OR6K2: variants seen among roughly 807,000 people sequenced by gnomAD.
The protein encoded by OR6K2 is olfactory receptor family 6 subfamily K member 2, also known as olfactory receptor 6K2.
For missense variants in OR6K2, 450 were observed against 402.5 expected (o/e 1.12, Z -1.01); for synonymous variants, 139 against 143.8 (o/e 0.97, Z 0.24).
rs763557435 is a variant in OR6K2, at chr1:158,700,390, T to G, written c.263A>C (p.Glu88Ala). ...ACAACCATTGAAGGAAATGCTCCTCTCACTAAGCAGGCTAGACAGCATCTT... is the reference window on the plus strand; with the variant it reads ...ACAACCATTGAAGGAAATGCTCCTCGCACTAAGCAGGCTAGACAGCATCTT... ...IPKMLSSLLS[E>A]RSISFNGCLL... Residue 88 changes from glutamate (E) to alanine (A), a missense_variant, in exon 1 of 1, where the codon GAG becomes GCG. Glu to Ala is a moderately radical substitution (Grantham distance 107). Transcript: ENST00000359610. 1.9e-6 allele frequency: 3 copies of G among 1,614,154 alleles called. No individual in the cohort carries two copies. Among genetic ancestry groups the G allele is most frequent in the Non-Finnish European group, 2.5e-6 (3 of 1,180,022 alleles).
Position 158,700,486 on chromosome 1 carries a change from T to G in OR6K2, c.167A>C (p.His56Pro), listed in dbSNP as rs771595574. Residue 56 changes from histidine to proline, a missense_variant, in exon 1 of 1, where the codon CAC becomes CCC. Coordinates refer to ENST00000359610, the MANE Select transcript of OR6K2 (RefSeq NM_001005279.3). ...ACTGATAAAAGTATACATGGGAGTG[T>G]GGAGGTGAGTATTCAACTGGACCAC... ...ITVVQLNTHL[H>P]TPMYTFISAL... is the part of the protein sequence containing the mutation. The G allele has an allele frequency of 1.9e-6, 3 of 1,613,994 alleles. No homozygotes were observed. In the South Asian group the frequency reaches 3.3e-5, roughly 18 times the overall value.
Position 158,699,708 on chromosome 1 carries a change from T to TA in OR6K2, c.944dup (p.Arg316LysfsTer7). On this transcript the variant is annotated frameshift_variant, in exon 1 of 1. Transcript: ENST00000359610. LOFTEE classifies it low-confidence loss of function (END_TRUNC). ...ATATCTTACTTGAGGTCCCTGGTCT[T>TA]ACGGAAAAAAATATCTTAGCTTGAC... 1.2e-6 allele frequency: 2 copies of TA among 1,611,872 alleles called. No individual in the cohort carries two copies. Among genetic ancestry groups the TA allele is most frequent in the Admixed American group, 3.4e-5 (2 of 59,496 alleles).
At position 158,700,041 on chromosome 1, in the gene OR6K2, A is replaced by ATGAATGACATCCACTACC. The variant is rs771990024; in HGVS notation, c.594_611dup (p.Gln198_Ile203dup). ...TCACAGCTGTAATAATCTCCACTGC[A>ATGAATGACATCCACTACC]TGAATGACATCCACTACCTGAATCA... On this transcript the variant is annotated inframe_insertion, in exon 1 of 1. Transcript: ENST00000359610. The ATGAATGACATCCACTACC allele has an allele frequency of 5.1e-5, 83 of 1,614,056 alleles. No individual in the cohort carries two copies. In the African/African-American group the frequency reaches 1.0e-3, roughly 20 times the overall value.
rs1231086350 is a variant in OR6K2 at position 158,700,583 on chromosome 1, A to G, written c.70T>C (p.Ser24Pro). The G allele has an allele frequency of 1.2e-6, 2 of 1,613,954 alleles. No individual in the cohort carries two copies. Among genetic ancestry groups the G allele is most frequent in the African/African-American group, 2.7e-5 (2 of 74,906 alleles). The change falls in exon 1 of 1, where the codon TCT (serine) becomes CCT (proline). Residue 24 changes from serine (S) to proline (P), a missense_variant. Physicochemically the swap from Ser to Pro is moderately conservative, Grantham distance 74 (BLOSUM62 -1). Coordinates refer to ENST00000359610, the MANE Select transcript of OR6K2 (RefSeq NM_001005279.3). The part of the protein sequence containing the change: ...FSAFPYSWVK[S>P]VVCFVPLLFI... ...AGCAGTGGAACAAAGCAGACAACAG[A>G]CTTAACCCAGGAATAAGGGAAAGCG...
rs891708594 is a variant in OR6K2 at position 158,699,917 on chromosome 1, A to C, written c.736T>G (p.Phe246Val). 1 of 1,614,188 alleles carries C rather than the reference A, an allele frequency of 6.2e-7. No individual in the cohort carries two copies. Among genetic ancestry groups the C allele is most frequent in the Admixed American group, 1.7e-5 (1 of 60,026 alleles). ...CCAAAGAAGAGCGAAAAGACAATGA[A>C]GTGAGAGACACACGTGGAAAATGCT... ...RTAFSTCVSH[F>V]IVFSLFFGSV... Residue 246 changes from phenylalanine (F) to valine (V), a missense_variant, in exon 1 of 1, where the codon TTC (phenylalanine) becomes GTC (valine). Phe to Val is a conservative substitution (Grantham distance 50). Coordinates refer to ENST00000359610, the MANE Select transcript of OR6K2 (RefSeq NM_001005279.3).
chr1:158,700,140 A>T lies in OR6K2; in HGVS notation c.513T>A (p.Asn171Lys). 6.2e-7 allele frequency: 1 copy of T among 1,614,138 alleles called. No homozygotes were observed. Among genetic ancestry groups the T allele is most frequent in the Non-Finnish European group, 8.5e-7 (1 of 1,180,022 alleles). Residue 171 changes from asparagine (N) to lysine (K), a missense_variant, in exon 1 of 1, where the codon AAT becomes AAA. By Grantham distance (94) the Asn-to-Lys change is moderately conservative. Transcript: ENST00000359610. Reference sequence around the variant, plus strand: ...AGTCACAGAAGATATGTTCAAGGTGATTCGAACCACAAAATGGCAGTGTAG... The same window carrying T: ...AGTCACAGAAGATATGTTCAAGGTGTTTCGAACCACAAAATGGCAGTGTAG... ...WISTLPFCGS[N>K]HLEHIFCDFL...
Position 158,700,427 on chromosome 1 carries a change from C to G in OR6K2, c.226G>C (p.Ala76Pro). The stretch of plus-strand genomic sequence containing the variant: ...CTAGACAGCATCTTTGGGATTGTGG[C>G]TGTGGTATACCAAATCTCCAGGAAA... ...LSFLEIWYTT[A>P]TIPKMLSSLL... The change falls in exon 1 of 1, where the codon GCC becomes CCC. Residue 76 changes from alanine to proline, a missense_variant. By Grantham distance (27) the Ala-to-Pro change is conservative. Coordinates refer to ENST00000359610, the MANE Select transcript of OR6K2 (RefSeq NM_001005279.3). 6.2e-7 allele frequency: 1 copy of G among 1,614,112 alleles called. No homozygotes were observed. Among genetic ancestry groups the G allele is most frequent in the Non-Finnish European group, 8.5e-7 (1 of 1,180,012 alleles).
At position 158,699,799 on chromosome 1, in the gene OR6K2, A is replaced by G; in HGVS notation, c.854T>C (p.Phe285Ser). Residue 285 changes from phenylalanine to serine, a missense_variant, in exon 1 of 1, where the codon TTC becomes TCC. Transcript: ENST00000359610. ...CAGGCTATAGATAATGGGGTTGAAG[A>G]AGGGAGACAAAACTGCAAAGGCCAG... ...IALAFAVLSP[F>S]FNPIIYSLRN... is the part of the protein sequence containing the mutation. 6.2e-7 allele frequency: 1 copy of G among 1,614,188 alleles called. No individual in the cohort carries two copies. Among genetic ancestry groups the G allele is most frequent in the Non-Finnish European group, 8.5e-7 (1 of 1,180,026 alleles).
chr1:158,700,594 G>A lies in OR6K2; in HGVS notation c.59C>T (p.Ser20Phe). 6.2e-7 allele frequency: 1 copy of A among 1,613,914 alleles called. No homozygotes were observed. The highest frequency in any genetic ancestry group is 8.5e-7 in the Non-Finnish European group (1 of 1,179,978). ...QEFIFSAFPY[S>F]WVKSVVCFVP... ...AAAGCAGACAACAGACTTAACCCAG[G>A]AATAAGGGAAAGCGGAGAAGATAAA... The change falls in exon 1 of 1, where the codon TCC becomes TTC. Residue 20 changes from serine to phenylalanine, a missense_variant. Transcript: ENST00000359610.
At position 158,700,341 on chromosome 1, in the gene OR6K2, A is replaced by G; in HGVS notation, c.312T>C (p.His104=). ...NGCLLQMYFF[H]STGICEVCLL... ...GACACACCTCACAGATGCCGGTGGA[A>G]TGGAAGAAATACATCTGCAGGAGAC... is the stretch of plus-strand genomic sequence containing the variant. The change falls in exon 1 of 1, where the codon CAT becomes CAC. Residue 104 remains histidine, a synonymous_variant. Coordinates refer to ENST00000359610, the MANE Select transcript of OR6K2 (RefSeq NM_001005279.3). The G allele has an allele frequency of 1.2e-6, 2 of 1,614,178 alleles. No homozygotes were observed. The highest frequency in any genetic ancestry group is 1.7e-6 in the Non-Finnish European group (2 of 1,180,006).
Position 158,700,184 on chromosome 1 carries a change from G to C in OR6K2, c.469C>G (p.Pro157Ala), listed in dbSNP as rs147053263. The C allele has an allele frequency of 4.3e-6, 7 of 1,613,646 alleles. No individual in the cohort carries two copies. The highest frequency in any genetic ancestry group is 5.9e-6 in the Non-Finnish European group (7 of 1,179,900). The part of the protein sequence containing the change: ...CCVCGFITPL[P>A]EIAWISTLPF... ...AGTGTAGAGATCCAGGCAATCTCAG[G>C]AAGGGGTGTGATAAAGCCACAAACA... The change falls in exon 1 of 1, where the codon CCT becomes GCT. Residue 157 changes from proline (P) to alanine (A), a missense_variant. Transcript: ENST00000359610.
chr1:158,699,862 G>C lies in OR6K2; in HGVS notation c.791C>G (p.Ser264Cys). 6.2e-7 allele frequency: 1 copy of C among 1,614,180 alleles called. No individual in the cohort carries two copies. The highest frequency in any genetic ancestry group is 1.1e-5 in the South Asian group (1 of 91,068). Reference protein sequence around the residue: ...GSVTLMYLRFSATYSLFWDIA... With the variant: ...GSVTLMYLRFCATYSLFWDIA... ...ATCCCAGAACAAAGAGTAGGTGGCA[G>C]AGAAGCGTAGGTACATGAGAGTCAC... The change falls in exon 1 of 1, where the codon TCT becomes TGT. Residue 264 changes from serine to cysteine, a missense_variant. By Grantham distance (112) the Ser-to-Cys change is moderately radical (BLOSUM62 -1). Coordinates refer to ENST00000359610, the MANE Select transcript of OR6K2 (RefSeq NM_001005279.3).
rs759462780 is a variant in OR6K2, at chr1:158,700,031, T to TCTCCACTGCATGAATGAC, written c.604_621dup (p.Val202_Glu207dup). 7 of 1,613,958 alleles carry TCTCCACTGCATGAATGAC rather than the reference T, an allele frequency of 4.3e-6. No homozygotes were observed. Among genetic ancestry groups the TCTCCACTGCATGAATGAC allele is most frequent in the Non-Finnish European group, 5.9e-6 (7 of 1,179,990 alleles). ...AAGATGAGCATCACAGCTGTAATAATCTCCACTGCATGAATGACATCCACT... is the reference window on the plus strand; with the variant it reads ...AAGATGAGCATCACAGCTGTAATAATCTCCACTGCATGAATGACCTCCACTGCATGAATGACATCCACT... On this transcript the variant is annotated inframe_insertion, in exon 1 of 1. Coordinates refer to ENST00000359610, the MANE Select transcript of OR6K2 (RefSeq NM_001005279.3).
At position 158,700,162 on chromosome 1, in the gene OR6K2, G is replaced by T. The variant is rs144162783; in HGVS notation, c.491C>A (p.Thr164Lys). 1.2e-6 allele frequency: 2 copies of T among 1,613,940 alleles called. No individual in the cohort carries two copies. Among genetic ancestry groups the T allele is most frequent in the Non-Finnish European group, 1.7e-6 (2 of 1,179,988 alleles). Residue 164 changes from threonine to lysine, a missense_variant, in exon 1 of 1, where the codon ACA (threonine) becomes AAA (lysine). Transcript: ENST00000359610. ...GTGATTCGAACCACAAAATGGCAGTGTAGAGATCCAGGCAATCTCAGGAAG... is the reference window on the plus strand; with the variant it reads ...GTGATTCGAACCACAAAATGGCAGTTTAGAGATCCAGGCAATCTCAGGAAG... Reference protein sequence around the residue: ...TPLPEIAWISTLPFCGSNHLE... With the variant: ...TPLPEIAWISKLPFCGSNHLE...
At position 158,699,877 on chromosome 1, in the gene OR6K2, A is replaced by G; in HGVS notation, c.776T>C (p.Met259Thr). The part of the protein sequence containing the change: ...FSLFFGSVTL[M>T]YLRFSATYSL... ...GTAGGTGGCAGAGAAGCGTAGGTACATGAGAGTCACACTGCCAAAGAAGAG... is the reference window on the plus strand; with the variant it reads ...GTAGGTGGCAGAGAAGCGTAGGTACGTGAGAGTCACACTGCCAAAGAAGAG... The change falls in exon 1 of 1, where the codon ATG becomes ACG. Residue 259 changes from methionine to threonine, a missense_variant. Transcript: ENST00000359610. The G allele has an allele frequency of 6.2e-7, 1 of 1,614,194 alleles. No homozygotes were observed. The highest frequency in any genetic ancestry group is 8.5e-7 in the Non-Finnish European group (1 of 1,180,036).
At position 158,700,500 on chromosome 1, in the gene OR6K2, C is replaced by A; in HGVS notation, c.153G>T (p.Leu51Phe). The A allele has an allele frequency of 1.9e-6, 3 of 1,614,066 alleles. No individual in the cohort carries two copies. The South Asian group carries it at 3.3e-5, about 18-fold the overall frequency. The change falls in exon 1 of 1, where the codon TTG becomes TTT. Residue 51 changes from leucine to phenylalanine, a missense_variant. Leu to Phe is a conservative substitution (Grantham distance 22). Transcript: ENST00000359610. ...ACATGGGAGTGTGGAGGTGAGTATT[C>A]AACTGGACCACTGTGATGATGACCA... is the stretch of plus-strand genomic sequence containing the variant. ...GNLVIITVVQLNTHLHTPMYT... is the reference protein window; with the variant it reads ...GNLVIITVVQFNTHLHTPMYT...
rs1256636776 is a variant in OR6K2, at chr1:158,699,972, T to A, written c.681A>T (p.Leu227=). 6.2e-7 allele frequency: 1 copy of A among 1,613,964 alleles called. No homozygotes were observed. The highest frequency in any genetic ancestry group is 8.5e-7 in the Non-Finnish European group (1 of 1,179,984). The change falls in exon 1 of 1, where the codon CTA becomes CTT. Residue 227 remains leucine (L), a synonymous_variant. Transcript: ENST00000359610. ...MSYDGIVAVI[L]RIHSAGGRRT... is the part of the protein sequence containing the mutation. The stretch of plus-strand genomic sequence containing the variant: ...GGCGGCCTCCAGCTGAATGAATACG[T>A]AGAATTACAGCCACAATACCATCGT...
rs1346549438 is a variant in OR6K2, at chr1:158,699,988, A to G, written c.665T>C (p.Ile222Thr). 2 of 1,613,510 alleles carry G rather than the reference A, an allele frequency of 1.2e-6. No individual in the cohort carries two copies. The highest frequency in any genetic ancestry group is 1.3e-5 in the African/African-American group (1 of 74,928). ...ATGAATACGTAGAATTACAGCCACA[A>G]TACCATCGTAGGACATGAAGATGAG... ...VMLIFMSYDGIVAVILRIHSA... is the reference protein window; with the variant it reads ...VMLIFMSYDGTVAVILRIHSA... Residue 222 changes from isoleucine to threonine, a missense_variant, in exon 1 of 1, where the codon ATT becomes ACT. Coordinates refer to ENST00000359610, the MANE Select transcript of OR6K2 (RefSeq NM_001005279.3).
Position 158,699,983 on chromosome 1 carries a change from CCACAA to C in OR6K2, c.665_669del (p.Ile222SerfsTer69), listed in dbSNP as rs777101458. Reference sequence around the variant, plus strand: ...GCTGAATGAATACGTAGAATTACAGCCACAATACCATCGTAGGACATGAAGATGAG... The same window carrying C: ...GCTGAATGAATACGTAGAATTACAGCTACCATCGTAGGACATGAAGATGAG... On this transcript the variant is annotated frameshift_variant, in exon 1 of 1. Coordinates refer to ENST00000359610, the MANE Select transcript of OR6K2 (RefSeq NM_001005279.3). LOFTEE classifies it low-confidence loss of function (END_TRUNC). 6.2e-7 allele frequency: 1 copy of C among 1,613,302 alleles called. No homozygotes were observed. Among genetic ancestry groups the C allele is most frequent in the Non-Finnish European group, 8.5e-7 (1 of 1,179,382 alleles).
Sources: gnomAD v4.1 joint callset for allele counts on GRCh38, gnomAD v4.1.1 for gene constraint, MANE v1.5 for transcripts, NCBI Gene and HGNC (gene_info 2026-07-23, HGNC 2026-07-21) for gene names.